The following BRWD3 variants were observed in gnomAD, a reference collection of about 807,000 sequenced individuals.
BRWD3 encodes the protein bromodomain and WD repeat-containing protein 3.
Under a neutral mutation model 149.7 loss-of-function variants are expected in BRWD3, and 10 were observed. The observed-to-expected ratio is 0.07, with a 90% CI of 0.04 to 0.11. The LOEUF is 0.11. Among genes scored for constraint, BRWD3 ranks in the 10% least tolerant of loss-of-function variants. The probability of loss-of-function intolerance (pLI) is 1.00; values close to 1 mark genes in which losing one functional copy is unlikely to be tolerated. For synonymous variants in BRWD3, 504 were observed against 456.7 expected (o/e 1.10, Z -1.32); for missense variants, 940 against 1,373.2 (o/e 0.68, Z 4.99).
In BRWD3 at chrX:80,671,082, C is replaced by T. The variant is rs754914746; in HGVS notation, c.*5527G>A. 1 of 111,174 alleles carries T rather than the reference C, an allele frequency of 9.0e-6. No individual in the cohort carries two copies. The highest frequency in any genetic ancestry group is 2.8e-4 in the East Asian group (1 of 3,511). 9.2% of individuals were successfully genotyped at this position (111,174 alleles called of 1,213,427 possible). On this transcript the variant is annotated 3_prime_UTR_variant, in exon 41 of 41. Coordinates refer to ENST00000373275, the MANE Select transcript of BRWD3 (RefSeq NM_153252.5). ...CCTACACTTACACTGAATTAAAGCACCATTTACAATGTAGGTAATCTTACT... is the reference window on the plus strand; with the variant it reads ...CCTACACTTACACTGAATTAAAGCATCATTTACAATGTAGGTAATCTTACT...
At chrX:80,732,577 A>T (rs1244078041) in intron 12 of BRWD3, among the ~76,000 whole-genome samples, 2 of 108,852 alleles carry the variant, frequency 1.8e-5, no homozygotes, top group Non-Finnish European at 3.8e-5. Flanking sequence ...AAGGAGAAAG[A>T]AAGTAGGAGA....
rs1350841281 is a variant in BRWD3 at position 80,808,396 on chromosome X, A to G, written c.180+143T>C. 9.8e-6 allele frequency: 5 copies of G among 507,813 alleles called. No homozygotes were observed. The Admixed American group carries it at 1.4e-4, about 15-fold the overall frequency. The allele number at this position is 507,813 out of a possible 1,213,427, so 41.8% of individuals were successfully genotyped here. A position where few individuals can be genotyped will look rare whatever the true frequency, so the allele number is the denominator to read the frequency against. ...GGTACCCTTTTTCCGACTAGCAGGG[A>G]TGGGGGAAGGGGCAGTCGTTCTTTG... is the stretch of plus-strand genomic sequence containing the variant. On this transcript the variant is annotated intron_variant, in intron 4 of 40. Coordinates refer to ENST00000373275, the MANE Select transcript of BRWD3 (RefSeq NM_153252.5).
intron 4 of BRWD3, among the ~76,000 whole-genome samples, chrX:80,797,858 G>A (rs1267266778): frequency 9.0e-6 from 1 of 111,116 alleles, no homozygotes; most frequent in Non-Finnish European, 1.9e-5. Context: ...CACTTTGGGA[G>A]GCCGAGGCGG....
At chrX:80,806,703 T>C (rs752266015) in intron 4 of BRWD3, among the ~76,000 whole-genome samples, 2 of 112,438 alleles carry the variant, frequency 1.8e-5, no homozygotes, top group South Asian at 3.6e-4. Context: ...GTTCAAATCA[T>C]ATCGTACCTT....
intron 24 of BRWD3, 66 bp from the exon 25 acceptor site, chrX:80,700,130 T>C: frequency 5.2e-6 from 4 of 766,739 alleles, no homozygotes; most frequent in Non-Finnish European, 7.9e-6. Context: ...CCAATATACA[T>C]TCCTACAAAC....
chrX:80,761,855 GA>G (rs1480808023), intron 6 of BRWD3, among the ~76,000 whole-genome samples: 1 of 111,185 alleles, frequency 9.0e-6, no homozygotes. Flanking sequence ...ATCAATAGCA[GA>G]ATCCAAATTT....
intron 12 of BRWD3, among the ~76,000 whole-genome samples, chrX:80,730,393 G>GA (rs761240574): frequency 4.3e-5 from 3 of 69,655 alleles, no homozygotes; most frequent in African/African-American, 1.7e-4. Context: ...TTTAGCAAAA[G>GA]AAAGAAAGAA....
chrX:80,743,424 G>A (rs1026234582), intron 8 of BRWD3, among the ~76,000 whole-genome samples: 9 of 111,884 alleles, frequency 8.0e-5, no homozygotes, highest in African/African-American at 2.9e-4. Context: ...ATGAGTTAGG[G>A]AGGATTCCCT....
chrX:80,689,264 C>T (rs967516163), intron 33 of BRWD3, among the ~76,000 whole-genome samples: 6 of 110,920 alleles, frequency 5.4e-5, no homozygotes, highest in East Asian at 2.8e-4. Flanking sequence ...ATCAGGAATA[C>T]GAGGGTCTGC....
intron 6 of BRWD3, among the ~76,000 whole-genome samples, chrX:80,789,055 T>G (rs1035255211): frequency 1.8e-5 from 2 of 112,229 alleles, no homozygotes; most frequent in Non-Finnish European, 3.8e-5. Context: ...GACAGCCTTT[T>G]ATGTCAATAA....
At chrX:80,715,666 T>C (rs1228102505) in intron 20 of BRWD3, among the ~76,000 whole-genome samples, 1 of 112,295 alleles carries the variant, frequency 8.9e-6, no homozygotes, top group Non-Finnish European at 1.9e-5. Context: ...TTGCAAGTCA[T>C]ACAATCTCTG....
chrX:80,765,567 C>A (rs2073848840), intron 6 of BRWD3, among the ~76,000 whole-genome samples: 1 of 111,841 alleles, frequency 8.9e-6, no homozygotes, highest in African/African-American at 3.2e-5. Flanking sequence ...AGTTATAGAA[C>A]TGAGTACTGT....
At chrX:80,770,209 C>T (rs879167396) in intron 6 of BRWD3, among the ~76,000 whole-genome samples, 1 of 111,434 alleles carries the variant, frequency 9.0e-6, no homozygotes, top group Non-Finnish European at 1.9e-5. Context: ...TGAAACTAGT[C>T]CAATCAATAG....
At chrX:80,716,036 T>A (rs1249826815) in intron 20 of BRWD3, 121 bp downstream of exon 20, 7 of 504,031 alleles carry the variant, frequency 1.4e-5, no homozygotes, top group Non-Finnish European at 2.3e-5. Context: ...AAAAGTAGGT[T>A]CCCTATATGC....
At chrX:80,760,610 T>C (rs1306858217) in intron 6 of BRWD3, among the ~76,000 whole-genome samples, 1 of 111,864 alleles carries the variant, frequency 8.9e-6, no homozygotes, top group Non-Finnish European at 1.9e-5. Context: ...AAAATTATTA[T>C]ATGAAATATT....
At chrX:80,722,895 T>A (rs775196558) in intron 16 of BRWD3, 108 bp from the exon 17 acceptor site, 3 of 681,123 alleles carry the variant, frequency 4.4e-6, no homozygotes, top group South Asian at 4.8e-5. Flanking sequence ...ATCTTTTGCA[T>A]ACTCTTCTAG....
chrX:80,767,507 T>A (rs891293648), intron 6 of BRWD3, among the ~76,000 whole-genome samples: 1 of 110,833 alleles, frequency 9.0e-6, no homozygotes, highest in Non-Finnish European at 1.9e-5. Context: ...AGGAATAGCA[T>A]CAACATCAAC....
chrX:80,753,222 T>C (rs1032713006), intron 6 of BRWD3, among the ~76,000 whole-genome samples: 41 of 110,641 alleles, frequency 3.7e-4, no homozygotes, highest in African/African-American at 1.3e-3. Flanking sequence ...ACTTTAGGAC[T>C]TCAGTAAGTC....
chrX:80,701,634 A>G (rs2072792358), intron 24 of BRWD3, among the ~76,000 whole-genome samples: 1 of 109,332 alleles, frequency 9.1e-6, no homozygotes, highest in Admixed American at 9.9e-5. Flanking sequence ...TGAGATTTCT[A>G]AAATACATTA....
Sources: gnomAD v4.1 joint callset for allele counts (sites outside exome capture counted in the v4.1 genomes callset) on GRCh38, gnomAD v4.1.1 for gene constraint, MANE v1.5 for transcripts, NCBI Gene and HGNC (gene_info 2026-07-23, HGNC 2026-07-21) for gene names.